Variants in CTNND2 observed in about 807,000 individuals in gnomAD.
CTNND2 encodes catenin delta 2, also known as catenin delta-2.
Under a neutral mutation model 144.4 loss-of-function variants are expected in CTNND2, and 22 were observed. The observed-to-expected ratio is 0.15, with a 90% confidence interval of 0.11 to 0.22. The LOEUF (loss-of-function observed/expected upper bound fraction) is 0.22. Ranked by LOEUF, CTNND2 falls within the 10% of genes least tolerant of loss-of-function variation. The pLI is 1.00. For missense variants in CTNND2, 1,353 were observed against 1,618.8 expected (o/e 0.84, Z 2.82); for synonymous variants, 751 against 695.6 (o/e 1.08, Z -1.25).
chr5:11,545,895 A>C lies in CTNND2; in HGVS notation c.287+19049T>G, dbSNP rs1233405062. On this transcript the variant is annotated intron_variant, in intron 3 of 21. Coordinates refer to ENST00000304623, the MANE Select transcript of CTNND2 (RefSeq NM_001332.4). ...AGTGGATTTATGTCATTAAAGTATA[A>C]TTTATCCATACATACTTCTCCATAT... 2.0e-5 allele frequency among the ~76,000 whole-genome samples: 3 copies of C among 152,186 alleles called. No individual in the cohort carries two copies. The East Asian group carries it at 5.8e-4, about 29-fold the overall frequency.
chr5:11,732,297 A>G (rs1263750031), intron 1 of CTNND2, 25 bp from the exon 2 acceptor site: 7 of 1,606,008 alleles, frequency 4.4e-6, no homozygotes, highest in East Asian at 2.2e-5. Flanking sequence ...GACATGATCA[A>G]TACAATCAGA....
chr5:11,652,209 C>T (rs903763771), intron 2 of CTNND2, among the ~76,000 whole-genome samples: 7 of 152,144 alleles, frequency 4.6e-5, no homozygotes, highest in East Asian at 1.9e-4. Flanking sequence ...TGAGTTATCA[C>T]GAGATCTGGT....
chr5:11,060,366 G>A (rs1746828551), intron 16 of CTNND2, among the ~76,000 whole-genome samples: 1 of 152,046 alleles, frequency 6.6e-6, no homozygotes, highest in Non-Finnish European at 1.5e-5. Context: ...TGTGCACAGG[G>A]ATTCATCAAG....
At chr5:11,794,557 TA>T (rs1791302907) in intron 1 of CTNND2, among the ~76,000 whole-genome samples, 1 of 152,194 alleles carries the variant, frequency 6.6e-6, no homozygotes, top group Admixed American at 6.5e-5. Flanking sequence ...TTGTTTTGGG[TA>T]TTTTTAAGTA....
chr5:11,746,221 C>T (rs529386425), intron 1 of CTNND2, among the ~76,000 whole-genome samples: 2 of 152,296 alleles, frequency 1.3e-5, no homozygotes, highest in Admixed American at 6.5e-5. Flanking sequence ...TCTCTTCCTG[C>T]GTGTGCCAAT....
chr5:11,311,890 T>C (rs1215811726), intron 9 of CTNND2, among the ~76,000 whole-genome samples: 6 of 74,734 alleles, frequency 8.0e-5, no homozygotes, highest in African/African-American at 1.5e-4. Context: ...ACACTCCCCA[T>C]ACACACGCCC....
intron 9 of CTNND2, among the ~76,000 whole-genome samples, chr5:11,328,500 G>T (rs1292741198): frequency 6.6e-6 from 1 of 151,830 alleles, no homozygotes; most frequent in Non-Finnish European, 1.5e-5. Context: ...GATGGGGTTT[G>T]TCATGTTGCC....
intron 2 of CTNND2, among the ~76,000 whole-genome samples, chr5:11,636,895 G>A (rs1030607788): frequency 6.6e-6 from 1 of 152,114 alleles, no homozygotes; most frequent in East Asian, 1.9e-4. Flanking sequence ...TCCCACACAT[G>A]GGCTTTTATG....
chr5:11,121,601 A>G (rs912292852), intron 12 of CTNND2, among the ~76,000 whole-genome samples: 2 of 110,830 alleles, frequency 1.8e-5, no homozygotes, highest in Non-Finnish European at 3.4e-5. Flanking sequence ...TATGTCTTCC[A>G]AATTAAAAGA....
intron 2 of CTNND2, among the ~76,000 whole-genome samples, chr5:11,571,729 C>T (rs2150116786): frequency 6.6e-6 from 1 of 152,256 alleles, no homozygotes; most frequent in African/African-American, 2.4e-5. Context: ...ACTCACCCCC[C>T]TGCTTAGAAC....
At chr5:11,413,816 T>TCTCAAGGTGG (rs1761725328) in intron 3 of CTNND2, among the ~76,000 whole-genome samples, 1 of 152,148 alleles carries the variant, frequency 6.6e-6, no homozygotes, top group African/African-American at 2.4e-5. Context: ...CTGGACAAAT[T>TCTCAAGGTGG]CTCAAGGTGG....
At chr5:11,023,021 G>A in intron 16 of CTNND2, 42 bp from the exon 17 acceptor site, 2 of 1,582,386 alleles carry the variant, frequency 1.3e-6, no homozygotes, top group Non-Finnish European at 1.7e-6. Context: ...GGAGGTCAAG[G>A]TGAAGGCAGA....
intron 3 of CTNND2, among the ~76,000 whole-genome samples, chr5:11,524,114 G>T (rs1448370019): frequency 1.3e-5 from 2 of 152,132 alleles, no homozygotes; most frequent in African/African-American, 4.8e-5. Context: ...CAGGAGGTGG[G>T]CTGTGAAGCC....
intron 2 of CTNND2, among the ~76,000 whole-genome samples, chr5:11,592,543 A>G (rs1321703873): frequency 8.5e-5 from 13 of 152,094 alleles, no homozygotes; most frequent in Non-Finnish European, 1.9e-4. Flanking sequence ...AGATAATCAT[A>G]ACAGTGGTTT....
At chr5:11,625,071 T>C (rs144844396) in intron 2 of CTNND2, among the ~76,000 whole-genome samples, 1 of 152,194 alleles carries the variant, frequency 6.6e-6, no homozygotes, top group Non-Finnish European at 1.5e-5. Flanking sequence ...CATACAAAGA[T>C]ATGACCACAT....
At chr5:11,840,654 G>A (rs1391088132) in intron 1 of CTNND2, among the ~76,000 whole-genome samples, 1 of 152,142 alleles carries the variant, frequency 6.6e-6, no homozygotes, top group African/African-American at 2.4e-5. Flanking sequence ...AATCATGAGT[G>A]TTTACGTGTA....
chr5:11,852,155 G>A (rs951371985), intron 1 of CTNND2, among the ~76,000 whole-genome samples: 2 of 152,074 alleles, frequency 1.3e-5, no homozygotes, highest in South Asian at 4.1e-4. Flanking sequence ...AGCACCCACT[G>A]TAGGCCATGG....
chr5:11,456,722 T>C (rs746538196), intron 3 of CTNND2, among the ~76,000 whole-genome samples: 2 of 152,206 alleles, frequency 1.3e-5, no homozygotes, highest in Admixed American at 6.5e-5. Flanking sequence ...GATTTAAAAA[T>C]TATTAAAAGA....
chr5:11,890,118 TC>T (rs1736845765), intron 1 of CTNND2, among the ~76,000 whole-genome samples: 2 of 152,214 alleles, frequency 1.3e-5, no homozygotes, highest in South Asian at 4.1e-4. Flanking sequence ...GCCTGAAAAT[TC>T]CCATCAGAAT....
Sources: gnomAD v4.1 joint callset for allele counts (sites outside exome capture counted in the v4.1 genomes callset) on GRCh38, gnomAD v4.1.1 for gene constraint, MANE v1.5 for transcripts, NCBI Gene and HGNC (gene_info 2026-07-23, HGNC 2026-07-21) for gene names.